The following ARHGAP15 variants were observed in gnomAD, a reference collection of about 807,000 sequenced individuals.
ARHGAP15 encodes Rho GTPase activating protein 15, also known as rho GTPase-activating protein 15.
Under a neutral mutation model 63.7 loss-of-function variants are expected in ARHGAP15, and 51 were observed. The ratio of observed to expected loss-of-function variants is 0.80; its 90% CI spans 0.64 to 1.01. ARHGAP15 has a LOEUF of 1.01. ARHGAP15 is among the 50% of genes least tolerant of loss of function. The pLI is 0.00. For synonymous variants in ARHGAP15, 191 were observed against 193.8 expected (o/e 0.99, Z 0.12); for missense variants, 560 against 564.6 (o/e 0.99, Z 0.08).
chr2:143,258,775 A>G (rs946769008), intron 6 of ARHGAP15, among the ~76,000 whole-genome samples: 4 of 152,110 alleles, frequency 2.6e-5, no homozygotes, highest in African/African-American at 9.7e-5. Context: ...GTTCACATGG[A>G]GGGTTTAGAT....
chr2:143,674,263 A>T (rs1366921418), intron 12 of ARHGAP15, among the ~76,000 whole-genome samples: 1 of 152,148 alleles, frequency 6.6e-6, no homozygotes, highest in Non-Finnish European at 1.5e-5. Flanking sequence ...ATCAAAAGGG[A>T]GATTTGTCAA....
intron 8 of ARHGAP15, among the ~76,000 whole-genome samples, chr2:143,470,896 G>GTGTGTATATATATACACGTATGTGTATA (rs1388149707): frequency 3.6e-4 from 54 of 148,548 alleles, no homozygotes; most frequent in East Asian, 2.6e-3. Flanking sequence ...GTATATTTAT[G>GTGTGTATATATATACACGTATGTGTATA]TGTGTATATA....
At chr2:143,278,337 G>T (rs528764656) in intron 6 of ARHGAP15, among the ~76,000 whole-genome samples, 1 of 152,270 alleles carries the variant, frequency 6.6e-6, no homozygotes, top group African/African-American at 2.4e-5. Context: ...AGGCACTCTT[G>T]TGTCTTGCTG....
At chr2:143,356,904 C>T (rs1358550691) in intron 6 of ARHGAP15, among the ~76,000 whole-genome samples, 1 of 152,172 alleles carries the variant, frequency 6.6e-6, no homozygotes, top group Non-Finnish European at 1.5e-5. Flanking sequence ...TCAACTCCTA[C>T]CCCTGACACG....
intron 10 of ARHGAP15, among the ~76,000 whole-genome samples, chr2:143,550,379 A>C (rs372182823): frequency 8.5e-5 from 13 of 152,226 alleles, no homozygotes; most frequent in African/African-American, 3.1e-4. Context: ...TACTTTTATG[A>C]ATCAAGAAAC....
chr2:143,192,948 A>T (rs1691736244), intron 2 of ARHGAP15, among the ~76,000 whole-genome samples: 1 of 151,874 alleles, frequency 6.6e-6, no homozygotes, highest in South Asian at 2.1e-4. Context: ...CTTCTGACAG[A>T]CTCCAGGTGG....
chr2:143,210,815 G>A (rs1692533195), intron 3 of ARHGAP15, among the ~76,000 whole-genome samples: 2 of 152,072 alleles, frequency 1.3e-5, no homozygotes, highest in African/African-American at 4.8e-5. Flanking sequence ...GTATGACCCA[G>A]AACCATTCTT....
chr2:143,309,866 T>TTGTGTGTG (rs10562854), intron 6 of ARHGAP15, among the ~76,000 whole-genome samples: 27 of 149,106 alleles, frequency 1.8e-4, no homozygotes, highest in African/African-American at 5.9e-4. Flanking sequence ...ATATATGAAC[T>TTGTGTGTG]TGTGTGTGTG....
rs761284438 is a variant in ARHGAP15 at position 143,202,187 on chromosome 2, T to A, written c.219T>A (p.Pro73=). 6.2e-7 allele frequency: 1 copy of A among 1,611,690 alleles called. No homozygotes were observed. The highest frequency in any genetic ancestry group is 1.1e-5 in the South Asian group (1 of 91,022). The change falls in exon 3 of 14, where the codon CCT becomes CCA. Residue 73 remains proline, a synonymous_variant. Coordinates refer to ENST00000295095, the MANE Select transcript of ARHGAP15 (RefSeq NM_018460.4). ...AGCATATCTTGAAAGATGTCATTCC[T>A]CCATTGGAACAACTGGTGAGTGTTT... is the stretch of plus-strand genomic sequence containing the variant. ...HSQHILKDVI[P]PLEQLMVEKE... is the part of the protein sequence containing the mutation.
At chr2:143,471,174 ATATG>A (rs950161237) in intron 8 of ARHGAP15, among the ~76,000 whole-genome samples, 4 of 145,394 alleles carry the variant, frequency 2.8e-5, no homozygotes, top group South Asian at 2.1e-4. Flanking sequence ...GAGGATATGA[ATATG>A]TGTGTGTATA....
At chr2:143,379,020 G>T (rs1250468209) in intron 6 of ARHGAP15, among the ~76,000 whole-genome samples, 1 of 151,244 alleles carries the variant, frequency 6.6e-6, no homozygotes, top group Non-Finnish European at 1.5e-5. Context: ...TTAAAGGTTT[G>T]AACCATGAAG....
chr2:143,276,575 T>G lies in ARHGAP15; in HGVS notation c.474+25975T>G, dbSNP rs77340019. On this transcript the variant is annotated intron_variant, in intron 6 of 13. Transcript: ENST00000295095. ...TGGCATTTTTATGCATATTTTCATATGCCTACATATTCCTTCTCTCATTAC... is the reference window on the plus strand; with the variant it reads ...TGGCATTTTTATGCATATTTTCATAGGCCTACATATTCCTTCTCTCATTAC... 3.8e-3 allele frequency among the ~76,000 whole-genome samples: 572 copies of G among 152,356 alleles called. 4 individuals carry two copies. Among genetic ancestry groups the G allele is most frequent in the African/African-American group, 0.013 (528 of 41,590 alleles).
chr2:143,282,071 A>G (rs1273914018), intron 6 of ARHGAP15, among the ~76,000 whole-genome samples: 1 of 152,082 alleles, frequency 6.6e-6, no homozygotes, highest in African/African-American at 2.4e-5. Flanking sequence ...TCACTTTAAA[A>G]TTGTGTTTCT....
chr2:143,515,008 G>T (rs1292456859), intron 9 of ARHGAP15, among the ~76,000 whole-genome samples: 3 of 152,146 alleles, frequency 2.0e-5, no homozygotes, highest in African/African-American at 4.8e-5. Flanking sequence ...GGTACGAGAT[G>T]GTTCCATGGC....
chr2:143,721,488 G>A (rs890840282), intron 13 of ARHGAP15, among the ~76,000 whole-genome samples: 4 of 152,186 alleles, frequency 2.6e-5, no homozygotes, highest in Admixed American at 2.0e-4. Context: ...CTGTAGTGCT[G>A]TGGCAGGGGG....
chr2:143,627,597 G>A (rs948287535), intron 12 of ARHGAP15, among the ~76,000 whole-genome samples: 1 of 152,038 alleles, frequency 6.6e-6, no homozygotes, highest in African/African-American at 2.4e-5. Flanking sequence ...ATAGCCTCTT[G>A]TAAAAATCTA....
intron 11 of ARHGAP15, chr2:143,601,379 A>G (rs1253340002): frequency 6.6e-6 from 1 of 152,170 alleles, no homozygotes; most frequent in African/African-American, 2.4e-5. Context: ...ATAAATTTTG[A>G]AAGCTAAATG....
At chr2:143,167,628 A>G (rs76326340) in intron 2 of ARHGAP15, among the ~76,000 whole-genome samples, 2,157 of 152,128 alleles carry the variant, frequency 0.014, 54 homozygotes, top group African/African-American at 0.05. Flanking sequence ...GGTCACCAAC[A>G]TGTACCTAGA....
At chr2:143,366,804 A>T (rs903978192) in intron 6 of ARHGAP15, among the ~76,000 whole-genome samples, 1 of 152,108 alleles carries the variant, frequency 6.6e-6, no homozygotes, top group Non-Finnish European at 1.5e-5. Context: ...AAAAAATTTC[A>T]GTTGGAAAAA....
Sources: allele counts gnomAD v4.1 joint callset (sites outside exome capture counted in the v4.1 genomes callset), GRCh38; gene constraint gnomAD v4.1.1; transcripts MANE v1.5; gene names NCBI Gene and HGNC (gene_info 2026-07-23, HGNC 2026-07-21).